The following ZNF177 variants were observed in gnomAD, a reference collection of about 807,000 sequenced individuals.
ZNF177 encodes zinc finger protein 177.
A neutral mutation model predicts 19.4 loss-of-function variants in ZNF177; 17 were observed. The observed-to-expected ratio is 0.87, with a 90% confidence interval of 0.60 to 1.31. The LOEUF (loss-of-function observed/expected upper bound fraction) is 1.31, where lower values mean the gene tolerates loss of function less well. Ranked by LOEUF, ZNF177 falls within the 40% of genes most tolerant of loss-of-function variation. ZNF177 has a pLI of 0.00. For missense variants in ZNF177, 633 were observed against 561.8 expected (o/e 1.13, Z -1.28); for synonymous variants, 220 against 188.7 (o/e 1.17, Z -1.36).
chr19:9,381,230 A>G, exon 6 of ZNF177: 2 of 1,614,154 alleles, frequency 1.2e-6, no homozygotes, highest in African/African-American at 1.3e-5. Flanking sequence ...TCTTCCCTTA[A>G]GAAACACATG....
chr19:9,372,977 A>G (rs2068066647), upstream of ZNF177, among the ~76,000 whole-genome samples: 2 of 152,222 alleles, frequency 1.3e-5, no homozygotes, highest in South Asian at 4.1e-4. Context: ...TGATCATCAC[A>G]GTCAAGCTAA....
chr19:9,366,582 T>C (rs543768662), intron 2 of ZNF177, among the ~76,000 whole-genome samples: 1 of 152,310 alleles, frequency 6.6e-6, no homozygotes, highest in African/African-American at 2.4e-5. Context: ...CAAATGATAG[T>C]CCATTGTATG....
intron 2 of ZNF177, 160 bp downstream of exon 4, chr19:9,378,504 C>A: frequency 1.8e-6 from 2 of 1,133,980 alleles, no homozygotes; most frequent in Non-Finnish European, 2.5e-6. Flanking sequence ...CTGGGAAAGG[C>A]TTCTGTTCCC....
chr19:9,365,757 T>A (rs2067970431), intron 2 of ZNF177, among the ~76,000 whole-genome samples: 1 of 151,604 alleles, frequency 6.6e-6, no homozygotes, highest in Non-Finnish European at 1.5e-5. Context: ...GGAAAGGAAC[T>A]GAAATTGAGA....
intron 2 of ZNF177, among the ~76,000 whole-genome samples, chr19:9,365,865 C>G (rs769582491): frequency 5.9e-5 from 9 of 152,120 alleles, no homozygotes; most frequent in Non-Finnish European, 8.8e-5. Context: ...AGGCCACTTA[C>G]CTGATTTAAA....
rs1220664012 is a variant in ZNF177 at position 9,379,437 on chromosome 19, C to G, written c.161-90C>G. The G allele has an allele frequency of 1.2e-5, 17 of 1,469,840 alleles. No individual in the cohort carries two copies. The Admixed American group carries it at 2.5e-4, about 21-fold the overall frequency. 91.0% of individuals were successfully genotyped at this position (1,469,840 alleles called of 1,614,324 possible). A position where few individuals can be genotyped will look rare whatever the true frequency, so the allele number is the denominator to read the frequency against. On this transcript the variant is annotated intron_variant, in intron 3 of 5. Transcript: ENST00000589262. The stretch of plus-strand genomic sequence containing the variant: ...GCTGCACTTGACTATTTTAATAATC[C>G]TTTAGTTAAAGCCAAAGTATGGCAA...
chr19:9,380,777 A>C, exon 6 of ZNF177: 2 of 1,536,120 alleles, frequency 1.3e-6, no homozygotes, highest in South Asian at 2.4e-5. Context: ...AAATGCTATA[A>C]ATATATAAAG....
chr19:9,369,655 C>T (rs1001246311), intron 2 of ZNF177, among the ~76,000 whole-genome samples: 10 of 90,710 alleles, frequency 1.1e-4, no homozygotes, highest in Admixed American at 9.1e-4. Flanking sequence ...TTCATTTGAC[C>T]TATTTTTTTT....
At chr19:9,376,224 C>T (rs976766959), upstream of ZNF177, 3 of 152,160 alleles carry the variant, frequency 2.0e-5, no homozygotes, top group African/African-American at 7.2e-5. Flanking sequence ...CTCTCAGATT[C>T]AAGCAATCCT....
intron 2 of ZNF177, among the ~76,000 whole-genome samples, chr19:9,369,076 T>A (rs1359560766): frequency 1.3e-5 from 2 of 152,136 alleles, no homozygotes; most frequent in Non-Finnish European, 2.9e-5. Flanking sequence ...ATATTCACCA[T>A]ACAGTATGGT....
At chr19:9,366,224 G>A (rs766656531) in intron 2 of ZNF177, among the ~76,000 whole-genome samples, 20 of 151,928 alleles carry the variant, frequency 1.3e-4, no homozygotes, top group Non-Finnish European at 2.4e-4. Context: ...CTCGTGATGC[G>A]CCCACCTTGG....
chr19:9,380,510 T>C (rs1310580275), intron 5 of ZNF177, 158 bp from the exon 8 acceptor site: 1 of 1,452,086 alleles, frequency 6.9e-7, no homozygotes, highest in Non-Finnish European at 9.2e-7. Flanking sequence ...TCGAAAAAGC[T>C]AATAGGGCAA....
chr19:9,382,245 A>G (rs1599398391), downstream of ZNF177: 1 of 403,946 alleles, frequency 2.5e-6, no homozygotes, highest in Non-Finnish European at 4.4e-6. Flanking sequence ...GAGCGGCCAA[A>G]TATGTTCACA....
chr19:9,369,441 C>T (rs775829860), intron 2 of ZNF177, among the ~76,000 whole-genome samples: 6 of 152,026 alleles, frequency 3.9e-5, no homozygotes, highest in African/African-American at 1.2e-4. Context: ...TTAATATTCA[C>T]CTGGTATATC....
chr19:9,377,464 G>A (rs140935993), intron 1 of ZNF177, among the ~76,000 whole-genome samples: 4 of 152,120 alleles, frequency 2.6e-5, no homozygotes, highest in African/African-American at 7.2e-5. Flanking sequence ...TGTCAGCTCC[G>A]TGCATGTTAT....
chr19:9,379,052 G>A (rs758665344), exon 3 of ZNF177: 2 of 1,610,026 alleles, frequency 1.2e-6, no homozygotes, highest in East Asian at 2.2e-5. Flanking sequence ...ATACAAAGAT[G>A]TGATGCTGGA....
chr19:9,370,835 T>C (rs892875698), intron 2 of ZNF177, among the ~76,000 whole-genome samples: 4 of 152,146 alleles, frequency 2.6e-5, no homozygotes, highest in African/African-American at 9.7e-5. Context: ...TGTGGTCGAG[T>C]AGCCAACAGA....
intron 5 of ZNF177, among the ~76,000 whole-genome samples, chr19:9,380,390 A>G (rs1227734769): frequency 6.6e-6 from 1 of 152,208 alleles, no homozygotes; most frequent in Non-Finnish European, 1.5e-5. Flanking sequence ...AGAGTTAAGT[A>G]TTTAGTACAT....
intron 2 of ZNF177, among the ~76,000 whole-genome samples, chr19:9,369,709 T>C (rs2068024112): frequency 6.6e-6 from 1 of 152,152 alleles, no homozygotes; most frequent in African/African-American, 2.4e-5. Context: ...TTGAGATTTT[T>C]TTTTAACCTA....
Sources: allele counts gnomAD v4.1 joint callset (sites outside exome capture counted in the v4.1 genomes callset), GRCh38; gene constraint gnomAD v4.1.1; transcripts MANE v1.5; gene names NCBI Gene and HGNC (gene_info 2026-07-23, HGNC 2026-07-21).